The following NELL1 variants were observed in gnomAD, a reference collection of about 807,000 sequenced individuals.
NELL1 encodes the protein neural EGFL like 1.
A neutral mutation model predicts 107.4 loss-of-function variants in NELL1; 76 were observed. The observed-to-expected ratio is 0.71, with a 90% CI of 0.59 to 0.86. The LOEUF (loss-of-function observed/expected upper bound fraction) is 0.86, where lower values mean the gene tolerates loss of function less well. Ranked by LOEUF, NELL1 falls within the 40% of genes least tolerant of loss-of-function variation. The pLI is 0.00. For missense variants in NELL1, 1,024 were observed against 1,005.5 expected, an observed-to-expected ratio of 1.02 and a Z score of -0.25; for synonymous variants, 353 against 341.2, an observed-to-expected ratio of 1.03 and a Z score of -0.38.
At chr11:20,813,107 C>T (rs1288740828) in intron 3 of NELL1, among the ~76,000 whole-genome samples, 1 of 146,586 alleles carries the variant, frequency 6.8e-6, no homozygotes, top group East Asian at 2.0e-4. Flanking sequence ...ATGTATCACA[C>T]CTTCAAAACA....
intron 14 of NELL1, among the ~76,000 whole-genome samples, chr11:21,363,246 G>A (rs886309871): frequency 6.6e-6 from 1 of 152,144 alleles, no homozygotes; most frequent in African/African-American, 2.4e-5. Context: ...TGGCTTCCTG[G>A]GGCTCAAGTT....
In NELL1 at chr11:20,824,012, A is replaced by G. The variant is rs183552986; in HGVS notation, c.336-23571A>G. ...GGTCTGGCTGTGCATCCTCACCCAA[A>G]TCTCATCTTGAGCTGTAATCCAAAT... is the stretch of plus-strand genomic sequence containing the variant. On this transcript the variant is annotated intron_variant, in intron 3 of 19. Coordinates refer to ENST00000357134, the MANE Select transcript of NELL1 (RefSeq NM_006157.5). Among the ~76,000 whole-genome samples, 554 of 151,346 alleles carry G rather than the reference A, an allele frequency of 3.7e-3. 32 individuals carry two copies. The highest frequency in any genetic ancestry group is 0.034 in the Admixed American group (513 of 15,072).
At chr11:21,317,930 A>G (rs1849917120) in intron 14 of NELL1, among the ~76,000 whole-genome samples, 2 of 152,132 alleles carry the variant, frequency 1.3e-5, no homozygotes, top group Admixed American at 1.3e-4. Flanking sequence ...AATTATCCGT[A>G]TCTTGAAAGA....
intron 14 of NELL1, among the ~76,000 whole-genome samples, chr11:21,279,432 C>T (rs190491543): frequency 1.3e-5 from 2 of 152,234 alleles, no homozygotes; most frequent in Admixed American, 6.5e-5. Flanking sequence ...AGCAAATGAA[C>T]AACCTGATTA....
At chr11:20,705,209 A>G (rs1405810907) in intron 2 of NELL1, among the ~76,000 whole-genome samples, 1 of 152,202 alleles carries the variant, frequency 6.6e-6, no homozygotes, top group Admixed American at 6.5e-5. Flanking sequence ...TGCCAAGTCA[A>G]TCCTAAGCCA....
intron 15 of NELL1, among the ~76,000 whole-genome samples, chr11:21,444,054 A>G (rs907658933): frequency 2.0e-5 from 3 of 152,164 alleles, no homozygotes; most frequent in Admixed American, 6.6e-5. Flanking sequence ...GTATGTATGT[A>G]TACAAACTCC....
intron 7 of NELL1, among the ~76,000 whole-genome samples, chr11:20,921,111 A>C (rs1850367774): frequency 6.6e-6 from 1 of 152,114 alleles, no homozygotes; most frequent in Admixed American, 6.6e-5. Flanking sequence ...AATCAAGGAT[A>C]TTATGTGTAG....
chr11:21,093,503 C>G (rs928388095), intron 12 of NELL1, among the ~76,000 whole-genome samples: 1 of 152,282 alleles, frequency 6.6e-6, no homozygotes, highest in Admixed American at 6.5e-5. Context: ...TGCCTCAGAT[C>G]CTCTCCTGAG....
intron 12 of NELL1, among the ~76,000 whole-genome samples, chr11:21,042,016 C>T (rs994129651): frequency 1.3e-5 from 2 of 152,202 alleles, no homozygotes; most frequent in South Asian, 2.1e-4. Flanking sequence ...TTTGAACCAT[C>T]GCTAAGTCTT....
intron 12 of NELL1, among the ~76,000 whole-genome samples, chr11:21,073,424 A>G (rs1854062529): frequency 6.6e-6 from 1 of 152,184 alleles, no homozygotes; most frequent in African/African-American, 2.4e-5. Context: ...TTGGATATAT[A>G]TGGACGTCAG....
intron 13 of NELL1, among the ~76,000 whole-genome samples, chr11:21,178,470 A>G (rs1374462796): frequency 1.3e-5 from 2 of 151,800 alleles, no homozygotes; most frequent in African/African-American, 2.4e-5. Flanking sequence ...TTCTTTTTCA[A>G]TTATAAAATT....
chr11:21,032,462 C>T (rs1852985690), intron 12 of NELL1, among the ~76,000 whole-genome samples: 1 of 152,172 alleles, frequency 6.6e-6, no homozygotes. Context: ...CGTCTCAGCT[C>T]ACTGCAACTT....
At chr11:21,128,421 G>A (rs921490456) in intron 13 of NELL1, among the ~76,000 whole-genome samples, 3 of 152,080 alleles carry the variant, frequency 2.0e-5, no homozygotes, top group Non-Finnish European at 4.4e-5. Flanking sequence ...AAGTATTAAA[G>A]TATTAGGAGT....
intron 15 of NELL1, among the ~76,000 whole-genome samples, chr11:21,494,224 C>T (rs570629091): frequency 7.9e-4 from 120 of 151,938 alleles, no homozygotes; most frequent in African/African-American, 2.7e-3. Context: ...TCAAGTGTTT[C>T]GTAAACATCT....
At chr11:21,534,270 G>C in intron 15 of NELL1, 104 bp from the exon 16 acceptor site, 2 of 1,346,190 alleles carry the variant, frequency 1.5e-6, no homozygotes, top group South Asian at 2.5e-5. Context: ...TGACTAAACA[G>C]TTTTAATTGA....
chr11:21,428,635 A>T (rs1852891339), intron 15 of NELL1, among the ~76,000 whole-genome samples: 1 of 152,156 alleles, frequency 6.6e-6, no homozygotes, highest in South Asian at 2.1e-4. Flanking sequence ...ATGACTTAGA[A>T]TTTGTTTGTT....
intron 13 of NELL1, among the ~76,000 whole-genome samples, chr11:21,203,886 G>A (rs1051035731): frequency 1.3e-5 from 2 of 152,124 alleles, no homozygotes; most frequent in Admixed American, 6.6e-5. Flanking sequence ...TTTGGCTGGA[G>A]ATGATCTTCT....
intron 3 of NELL1, among the ~76,000 whole-genome samples, chr11:20,797,410 A>C (rs1857191285): frequency 6.6e-6 from 1 of 151,722 alleles, no homozygotes; most frequent in South Asian, 2.1e-4. Flanking sequence ...TAAAAATACA[A>C]AAAAAATTAG....
At chr11:21,085,561 A>G (rs75512116) in intron 12 of NELL1, among the ~76,000 whole-genome samples, 1,945 of 152,260 alleles carry the variant, frequency 0.013, 39 homozygotes, top group African/African-American at 0.045. Flanking sequence ...ACTTGAGCCC[A>G]GGAGTTCAAC....
Sources: gnomAD v4.1 joint callset for allele counts (sites outside exome capture counted in the v4.1 genomes callset) on GRCh38, gnomAD v4.1.1 for gene constraint, MANE v1.5 for transcripts, NCBI Gene and HGNC (gene_info 2026-07-23, HGNC 2026-07-21) for gene names.